The following PARD3B variants were observed in gnomAD, a reference collection of about 807,000 sequenced individuals.
PARD3B encodes partitioning defective 3 homolog B.
In PARD3B, 103 loss-of-function variants were observed where a neutral mutation model predicts 130.2. The observed-to-expected ratio is 0.79, with a 90% confidence interval of 0.67 to 0.93. The LOEUF is 0.93. Ranked by LOEUF, PARD3B falls within the 40% of genes least tolerant of loss-of-function variation. PARD3B has a pLI of 0.00. For synonymous variants in PARD3B, 583 were observed against 553.2 expected (o/e 1.05, Z -0.76); for missense variants, 1,609 against 1,499.2 (o/e 1.07, Z -1.21).
At chr2:205,267,361 A>C (rs1426318317) in intron 16 of PARD3B, among the ~76,000 whole-genome samples, 1 of 142,100 alleles carries the variant, frequency 7.0e-6, no homozygotes, top group Non-Finnish European at 1.6e-5. Context: ...TAAAACTTAC[A>C]CATGGGAAAC....
At chr2:204,741,662 T>G (rs1381189167) in intron 2 of PARD3B, among the ~76,000 whole-genome samples, 1 of 152,170 alleles carries the variant, frequency 6.6e-6, no homozygotes, top group African/African-American at 2.4e-5. Context: ...CTACCACCTT[T>G]ATAGAAAATA....
chr2:205,214,684 T>G (rs929784961), intron 15 of PARD3B, among the ~76,000 whole-genome samples: 6 of 152,106 alleles, frequency 3.9e-5, no homozygotes, highest in African/African-American at 1.2e-4. Context: ...ATCTATTTAC[T>G]GTCACCTCAT....
intron 18 of PARD3B, among the ~76,000 whole-genome samples, chr2:205,302,149 A>G (rs1186074782): frequency 7.9e-6 from 1 of 127,084 alleles, no homozygotes; most frequent in Non-Finnish European, 1.6e-5. Context: ...GCTCACTGCA[A>G]CCTCCGCCTC....
intron 18 of PARD3B, among the ~76,000 whole-genome samples, chr2:205,383,113 T>TAGATAGAGAGATAGATAGAG (rs2045527339): frequency 6.7e-6 from 1 of 149,450 alleles, no homozygotes; most frequent in Non-Finnish European, 1.5e-5. Flanking sequence ...GATAGATAGA[T>TAGATAGAGAGATAGATAGAG]AGATAGATAG....
At chr2:205,324,778 A>G (rs1188586866) in intron 18 of PARD3B, among the ~76,000 whole-genome samples, 1 of 152,064 alleles carries the variant, frequency 6.6e-6, no homozygotes, top group Non-Finnish European at 1.5e-5. Context: ...TCTGGGAGAG[A>G]AAGAGAGTCT....
intron 1 of PARD3B, among the ~76,000 whole-genome samples, chr2:204,672,358 G>A (rs1376100334): frequency 6.6e-6 from 1 of 152,192 alleles, no homozygotes; most frequent in Admixed American, 6.5e-5. Flanking sequence ...GTCAATGAAT[G>A]TGTCAGTTAA....
intron 1 of PARD3B, among the ~76,000 whole-genome samples, chr2:204,676,563 A>C (rs929467284): frequency 6.6e-6 from 1 of 151,728 alleles, no homozygotes; most frequent in African/African-American, 2.4e-5. Flanking sequence ...TCCACGTCTT[A>C]TCCTGTAGCA....
At chr2:204,996,940 C>T (rs901621559) in intron 3 of PARD3B, among the ~76,000 whole-genome samples, 9 of 152,014 alleles carry the variant, frequency 5.9e-5, no homozygotes, top group Non-Finnish European at 1.2e-4. Context: ...TGCTTCGGCT[C>T]GCACATGGTG....
chr2:204,878,122 G>C (rs2045913368), intron 2 of PARD3B, among the ~76,000 whole-genome samples: 1 of 152,116 alleles, frequency 6.6e-6, no homozygotes, highest in Non-Finnish European at 1.5e-5. Flanking sequence ...TGTTGGCACT[G>C]TAAAGAAAAA....
chr2:205,163,267 A>G (rs373533604), intron 11 of PARD3B, among the ~76,000 whole-genome samples: 3 of 152,194 alleles, frequency 2.0e-5, no homozygotes, highest in African/African-American at 7.2e-5. Flanking sequence ...TATATCAGGT[A>G]GATTGTTTAG....
At position 205,351,919 on chromosome 2, in the gene PARD3B, G is replaced by A. The variant is rs572626849; in HGVS notation, c.2631-49094G>A. On this transcript the variant is annotated intron_variant, in intron 18 of 22. Transcript: ENST00000406610. The surrounding 1 kb of genome is among the most constrained non-coding windows in gnomAD (Gnocchi z 4.2). ...CCAGTGTCTTTCTGTCAAGCTACCT[G>A]CCTCCCAGGTACACGCGTATTGCTG... Among the ~76,000 whole-genome samples, 2 of 152,202 alleles carry A rather than the reference G, an allele frequency of 1.3e-5. No individual in the cohort carries two copies. Among genetic ancestry groups the A allele is most frequent in the East Asian group, 3.9e-4 (2 of 5,180 alleles).
At chr2:205,104,571 A>T in intron 5 of PARD3B, 57 bp downstream of exon 5, 1 of 1,167,830 alleles carries the variant, frequency 8.6e-7, no homozygotes, top group Non-Finnish European at 1.3e-6. Context: ...TGTGTTTTTT[A>T]ATAGTTTATA....
chr2:205,382,804 G>A (rs773820816), intron 18 of PARD3B, among the ~76,000 whole-genome samples: 1 of 151,878 alleles, frequency 6.6e-6, no homozygotes, highest in Non-Finnish European at 1.5e-5. Context: ...TTATTTTGTT[G>A]CTCAGATTAT....
intron 2 of PARD3B, among the ~76,000 whole-genome samples, chr2:204,952,520 TAAAC>T (rs1689862379): frequency 6.6e-6 from 1 of 151,866 alleles, no homozygotes; most frequent in Non-Finnish European, 1.5e-5. Flanking sequence ...TTTTACATCA[TAAAC>T]AAAATTGAAA....
chr2:204,580,319 C>T (rs912749710), intron 1 of PARD3B, among the ~76,000 whole-genome samples: 1 of 152,034 alleles, frequency 6.6e-6, no homozygotes, highest in Admixed American at 6.5e-5. Flanking sequence ...TTTTTTTTCC[C>T]TCTTATCCAG....
chr2:205,523,967 A>AC (rs1358288879), intron 21 of PARD3B, among the ~76,000 whole-genome samples: 4 of 151,974 alleles, frequency 2.6e-5, no homozygotes, highest in Non-Finnish European at 5.9e-5. Flanking sequence ...AGTACGTAAC[A>AC]AATTTTTTTT....
At chr2:205,063,718 A>C (rs1215839488) in intron 4 of PARD3B, among the ~76,000 whole-genome samples, 2 of 152,222 alleles carry the variant, frequency 1.3e-5, no homozygotes, top group African/African-American at 4.8e-5. Flanking sequence ...AGTAAATGTC[A>C]AATTGTTTAG....
intron 18 of PARD3B, among the ~76,000 whole-genome samples, chr2:205,316,011 C>T (rs1251046927): frequency 2.0e-5 from 3 of 151,874 alleles, no homozygotes; most frequent in Admixed American, 1.3e-4. Context: ...AGAGGGACTT[C>T]CTCTGCAATG....
rs1401407096 is a variant in PARD3B, at chr2:204,545,809, G to T, written c.-191G>T. 3.6e-6 allele frequency: 2 copies of T among 563,112 alleles called. No individual in the cohort carries two copies. Among genetic ancestry groups the T allele is most frequent in the Non-Finnish European group, 5.6e-6 (2 of 355,438 alleles). The allele number at this position is 563,112 out of a possible 1,614,324, so 34.9% of individuals were successfully genotyped here. ...CCCCTTTCCGCGGCCGCCCCTCCCC[G>T]ATTCCCGCCACCTGCCGCCTGGCCA... On this transcript the variant is annotated 5_prime_UTR_variant, in exon 1 of 23. Transcript: ENST00000406610.
Sources: gnomAD v4.1 joint callset for allele counts (sites outside exome capture counted in the v4.1 genomes callset) on GRCh38, gnomAD v4.1.1 for gene constraint, Gnocchi (gnomAD v3.1) non-coding constraint, MANE v1.5 for transcripts, NCBI Gene and HGNC (gene_info 2026-07-23, HGNC 2026-07-21) for gene names.